Variants in PPFIA2 observed in about 807,000 individuals in gnomAD.
The protein encoded by PPFIA2 is PPFI scaffold protein A2.
In PPFIA2, 46 loss-of-function variants were observed where a neutral mutation model predicts 175.5. The observed-to-expected ratio is 0.26, with a 90% CI of 0.21 to 0.34. The LOEUF is 0.34. Among genes scored for constraint, PPFIA2 ranks in the 10% least tolerant of loss-of-function variants. The pLI is 1.00. For synonymous variants in PPFIA2, 568 were observed against 511.4 expected, an observed-to-expected ratio of 1.11 and a Z score of -1.49; for missense variants, 1,179 against 1,506.1, an observed-to-expected ratio of 0.78 and a Z score of 3.60.
At chr12:81,477,090 A>G (rs905047631) in intron 4 of PPFIA2, among the ~76,000 whole-genome samples, 3 of 152,132 alleles carry the variant, frequency 2.0e-5, no homozygotes, top group Non-Finnish European at 4.4e-5. Flanking sequence ...ATCAGGAAAA[A>G]TAGCTAATGT....
chr12:81,556,040 CT>C (rs912195020), intron 4 of PPFIA2, among the ~76,000 whole-genome samples: 19 of 151,990 alleles, frequency 1.3e-4, no homozygotes, highest in Non-Finnish European at 2.8e-4. Context: ...TCTGGTGATT[CT>C]GACATCACTG....
chr12:81,438,225 T>G (rs143592670), intron 7 of PPFIA2, among the ~76,000 whole-genome samples: 2,588 of 152,246 alleles, frequency 0.017, 70 homozygotes, highest in African/African-American at 0.06. Context: ...ATCCCAGCAC[T>G]TTGGGAGGCC....
intron 3 of PPFIA2, among the ~76,000 whole-genome samples, chr12:81,739,417 TA>T (rs2082057463): frequency 6.6e-6 from 1 of 152,032 alleles, no homozygotes; most frequent in Admixed American, 6.6e-5. Context: ...AACTTTTAAA[TA>T]ACCTTTTTAT....
chr12:81,315,589 T>G (rs1286004814), intron 22 of PPFIA2, among the ~76,000 whole-genome samples: 1 of 151,744 alleles, frequency 6.6e-6, no homozygotes, highest in African/African-American at 2.4e-5. Flanking sequence ...TTGGTAAGTT[T>G]GAAAGAAGCA....
chr12:81,585,370 G>T (rs2153434535), intron 4 of PPFIA2, among the ~76,000 whole-genome samples: 1 of 151,402 alleles, frequency 6.6e-6, no homozygotes, highest in South Asian at 2.1e-4. Context: ...ATAAACTTTA[G>T]GTTATTTTTT....
chr12:81,512,176 T>G (rs2061871163), intron 4 of PPFIA2: 1 of 461,002 alleles, frequency 2.2e-6, no homozygotes, highest in Non-Finnish European at 3.7e-6. Context: ...AACAATGTGT[T>G]TAATACTTAG....
chr12:81,642,508 T>C (rs1368031772), intron 4 of PPFIA2, among the ~76,000 whole-genome samples: 6 of 150,324 alleles, frequency 4.0e-5, no homozygotes, highest in Non-Finnish European at 8.9e-5. Context: ...AAGAATGCTG[T>C]GTAATGTCCT....
intron 4 of PPFIA2, among the ~76,000 whole-genome samples, chr12:81,660,679 T>C (rs2068666971): frequency 1.3e-5 from 2 of 152,054 alleles, no homozygotes; most frequent in Non-Finnish European, 2.9e-5. Context: ...AACATTCAAA[T>C]TCAGGAAATA....
At chr12:81,435,462 G>A (rs2048802648) in intron 7 of PPFIA2, among the ~76,000 whole-genome samples, 1 of 152,040 alleles carries the variant, frequency 6.6e-6, no homozygotes, top group East Asian at 1.9e-4. Flanking sequence ...GGATGTCTGG[G>A]GAGAATAGAT....
At chr12:81,496,633 T>A (rs898870455) in intron 4 of PPFIA2, among the ~76,000 whole-genome samples, 1 of 152,188 alleles carries the variant, frequency 6.6e-6, no homozygotes, top group Non-Finnish European at 1.5e-5. Context: ...TCAATAACAA[T>A]ACTTTCTGCA....
chr12:81,343,637 G>C (rs1052636585), intron 19 of PPFIA2, among the ~76,000 whole-genome samples: 1 of 152,028 alleles, frequency 6.6e-6, no homozygotes, highest in Non-Finnish European at 1.5e-5. Context: ...GCACTGAATA[G>C]AAGTTTGAAT....
At chr12:81,700,575 G>A (rs1490433847) in intron 3 of PPFIA2, among the ~76,000 whole-genome samples, 2 of 152,062 alleles carry the variant, frequency 1.3e-5, no homozygotes, top group Non-Finnish European at 2.9e-5. Flanking sequence ...TCTGGGAAAT[G>A]TGTTTCCAAA....
At position 81,336,933 on chromosome 12, in the gene PPFIA2, T is replaced by G. The variant is rs1321171681; in HGVS notation, c.2548+2247A>C. On this transcript the variant is annotated intron_variant, in intron 21 of 32. Transcript: ENST00000549396. ...TCCCTAGGTTCCTCAGATGCATGAATAAGCAGTACTAGGTTGTAGTCCCTG... is the reference window on the plus strand; with the variant it reads ...TCCCTAGGTTCCTCAGATGCATGAAGAAGCAGTACTAGGTTGTAGTCCCTG... Among the ~76,000 whole-genome samples the G allele has an allele frequency of 2.6e-5, 4 of 152,256 alleles. No homozygotes were observed. In the Middle Eastern group the frequency reaches 0.014, roughly 518 times the overall value.
At chr12:81,304,594 A>T (rs954006841) in intron 22 of PPFIA2, among the ~76,000 whole-genome samples, 1 of 152,172 alleles carries the variant, frequency 6.6e-6, no homozygotes, top group African/African-American at 2.4e-5. Flanking sequence ...GAAAAGTGGC[A>T]GGGAGTAGGG....
chr12:81,727,015 G>T lies in PPFIA2; in HGVS notation c.249+26958C>A, dbSNP rs965037415. On this transcript the variant is annotated intron_variant, in intron 3 of 32. Transcript: ENST00000549396. The stretch of plus-strand genomic sequence containing the variant: ...AGCCAAAGCCAAGGTGGCCAATATG[G>T]TGCAAAAAGGAGAAACAAATCTTTT... Among the ~76,000 whole-genome samples, 3 of 151,274 alleles carry T rather than the reference G, an allele frequency of 2.0e-5. No homozygotes were observed. The South Asian group carries it at 6.2e-4, about 31-fold the overall frequency.
In PPFIA2 at chr12:81,529,626, C is replaced by G. The variant is rs1039624656; in HGVS notation, c.304-71760G>C. Reference sequence around the variant, plus strand: ...GCTCCAGGCACTAAAAATACAAAGGCAAGCAAGGCCATTTTTTGTTCAATG... The same window carrying G: ...GCTCCAGGCACTAAAAATACAAAGGGAAGCAAGGCCATTTTTTGTTCAATG... On this transcript the variant is annotated intron_variant, in intron 4 of 32. Transcript: ENST00000549396. 6.0e-5 allele frequency among the ~76,000 whole-genome samples: 9 copies of G among 151,176 alleles called. No individual in the cohort carries two copies. In the South Asian group the frequency reaches 8.3e-4, roughly 14 times the overall value.
chr12:81,369,359 G>A, intron 11 of PPFIA2, 165 bp from the exon 12 acceptor site: 1 of 1,472,420 alleles, frequency 6.8e-7, no homozygotes, highest in Non-Finnish European at 9.0e-7. Flanking sequence ...TGCTTGAAAT[G>A]TGTCAGCTAC....
chr12:81,557,238 C>T (rs1405705794), intron 4 of PPFIA2, among the ~76,000 whole-genome samples: 1 of 151,378 alleles, frequency 6.6e-6, no homozygotes, highest in Non-Finnish European at 1.5e-5. Flanking sequence ...CATAAAAATA[C>T]AGATATTATA....
chr12:81,515,500 A>T (rs539408520), intron 4 of PPFIA2, among the ~76,000 whole-genome samples: 1 of 152,182 alleles, frequency 6.6e-6, no homozygotes, highest in African/African-American at 2.4e-5. Context: ...TAGCTTTATC[A>T]TCAATTTCTC....
Sources: gnomAD v4.1 joint callset for allele counts (sites outside exome capture counted in the v4.1 genomes callset) on GRCh38, gnomAD v4.1.1 for gene constraint, MANE v1.5 for transcripts, NCBI Gene and HGNC (gene_info 2026-07-23, HGNC 2026-07-21) for gene names.